DNMT3L: variants seen among roughly 807,000 people sequenced by gnomAD.
The protein encoded by DNMT3L is DNA (cytosine-5)-methyltransferase 3-like.
In DNMT3L, 33 loss-of-function variants were observed where a neutral mutation model predicts 36.2. That is an observed-to-expected ratio of 0.91 (90% confidence interval 0.69 to 1.22). The LOEUF (loss-of-function observed/expected upper bound fraction) is 1.22, where lower values mean the gene tolerates loss of function less well. Among genes scored for constraint, DNMT3L ranks in the 50% most tolerant of loss-of-function variants. The probability of loss-of-function intolerance (pLI) is 0.00; values close to 1 mark genes in which losing one functional copy is unlikely to be tolerated. For missense variants in DNMT3L, 310 were observed against 303.1 expected (o/e 1.02, Z -0.17); for synonymous variants, 117 against 121.7 (o/e 0.96, Z 0.26).
intron 6 of DNMT3L, 33 bp from the exon 7 acceptor site, chr21:44,256,187 GCCGGCTA>G: frequency 6.2e-7 from 1 of 1,608,420 alleles, no homozygotes; most frequent in Non-Finnish European, 8.5e-7. Context: ...AGGACATTGT[GCCGGCTA>G]CTTGGCTACA....
chr21:44,257,690 A>T lies in DNMT3L; in HGVS notation c.516+833T>A, dbSNP rs13047937. Among the ~76,000 whole-genome samples the T allele has an allele frequency of 2.1e-5, 2 of 93,250 alleles. 1 individual carries two copies. The highest frequency in any genetic ancestry group is 3.8e-5 in the Non-Finnish European group (2 of 52,366). The allele number at this position is 93,250 out of a possible 152,430, so 61.2% of individuals were successfully genotyped here. ...AGCGAGACTCCGTCTCAAAAAAAAA[A>T]AAAAAATAAATAAATAAATAAATAA... On this transcript the variant is annotated intron_variant, in intron 6 of 11. Coordinates refer to ENST00000628202, the MANE Select transcript of DNMT3L (RefSeq NM_175867.3).
intron 6 of DNMT3L, among the ~76,000 whole-genome samples, chr21:44,257,541 C>T (rs911542973): frequency 6.0e-5 from 9 of 150,562 alleles, no homozygotes; most frequent in East Asian, 1.9e-4. Flanking sequence ...ATTAGCCGGG[C>T]GTAGTGGCGG....
chr21:44,255,152 G>A (rs1212894285), intron 7 of DNMT3L, among the ~76,000 whole-genome samples: 1 of 152,138 alleles, frequency 6.6e-6, no homozygotes, highest in African/African-American at 2.4e-5. Context: ...TAATGACGTG[G>A]CAGGAGGATT....
intron 3 of DNMT3L, 151 bp downstream of exon 3, chr21:44,260,644 G>A: frequency 3.2e-6 from 3 of 948,942 alleles, no homozygotes; most frequent in Admixed American, 4.3e-5. Flanking sequence ...TTTTTGTAGA[G>A]ACAGAGTCTC....
chr21:44,253,247 C>G (rs1399507896), intron 8 of DNMT3L, among the ~76,000 whole-genome samples: 1 of 83,616 alleles, frequency 1.2e-5, no homozygotes, highest in Non-Finnish European at 2.4e-5. Context: ...CCCTGGGGAC[C>G]ACAGAGTAGG....
chr21:44,257,700 ATAAATAAATAAAT>A (rs2040274824), intron 6 of DNMT3L, among the ~76,000 whole-genome samples: 1 of 61,516 alleles, frequency 1.6e-5, no homozygotes, highest in African/African-American at 8.9e-5. Context: ...AAAAAAATAA[ATAAATAAATAAAT>A]AAATAAATAA....
chr21:44,258,430 G>T lies in DNMT3L; in HGVS notation c.516+93C>A. 1 of 1,439,836 alleles carries T rather than the reference G, an allele frequency of 6.9e-7. No homozygotes were observed. The allele number at this position is 1,439,836 out of a possible 1,614,324, so 89.2% of individuals were successfully genotyped here. ...TCCCGAGGCTGCAGCCGTGGTGCCC[G>T]TCGGCGCGCCTGCATTCTGCAGCGG... On this transcript the variant is annotated intron_variant, in intron 6 of 11. Transcript: ENST00000628202. The surrounding 1 kb of genome is among the most constrained non-coding windows in gnomAD (Gnocchi z 6.2).
intron 6 of DNMT3L, among the ~76,000 whole-genome samples, chr21:44,257,692 AAAAATAAATAAAT>A (rs1182055116): frequency 6.2e-5 from 5 of 80,144 alleles, no homozygotes; most frequent in Non-Finnish European, 1.1e-4. Context: ...AAAAAAAAAA[AAAAATAAATAAAT>A]AAATAAATAA....
chr21:44,258,138 C>T lies in DNMT3L; in HGVS notation c.516+385G>A. Among the ~76,000 whole-genome samples the T allele has an allele frequency of 6.6e-6, 1 of 152,218 alleles. No individual in the cohort carries two copies. Among genetic ancestry groups the T allele is most frequent in the East Asian group, 1.9e-4 (1 of 5,200 alleles). ...TCAGAGGGACAAAATTCCACCTTCT[C>T]TGCCTTTGTCTGAGGTTCCTGCCGG... On this transcript the variant is annotated intron_variant, in intron 6 of 11. Transcript: ENST00000628202. The surrounding 1 kb of genome is among the most constrained non-coding windows in gnomAD (Gnocchi z 6.2).
chr21:44,257,691 A>G (rs12483040), intron 6 of DNMT3L, among the ~76,000 whole-genome samples: 1 of 95,452 alleles, frequency 1.0e-5, no homozygotes, highest in East Asian at 2.6e-4. Context: ...AAAAAAAAAA[A>G]AAAAATAAAT....
At chr21:44,261,089 A>G in intron 2 of DNMT3L, 65 bp downstream of exon 2, 5 of 1,576,372 alleles carry the variant, frequency 3.2e-6, no homozygotes, top group Non-Finnish European at 4.3e-6. Context: ...CTGGAACTCC[A>G]GACCTCATCC....
intron 8 of DNMT3L, among the ~76,000 whole-genome samples, chr21:44,254,306 T>C (rs1486796704): frequency 6.6e-6 from 1 of 152,220 alleles, no homozygotes; most frequent in Non-Finnish European, 1.5e-5. Context: ...TTCAAGATGT[T>C]GGACAAGATG....
chr21:44,255,720 G>C (rs2040252237), intron 7 of DNMT3L, among the ~76,000 whole-genome samples: 2 of 152,214 alleles, frequency 1.3e-5, no homozygotes, highest in South Asian at 4.1e-4. Flanking sequence ...GGCGCTGCGG[G>C]ATCAGGCTCC....
At chr21:44,259,064 G>T (rs1172511809) in intron 5 of DNMT3L, among the ~76,000 whole-genome samples, 1 of 152,098 alleles carries the variant, frequency 6.6e-6, no homozygotes, top group Non-Finnish European at 1.5e-5. Context: ...GTAAATACGA[G>T]GATGGCCCAG....
At chr21:44,257,836 G>C (rs527301112) in intron 6 of DNMT3L, among the ~76,000 whole-genome samples, 2 of 152,326 alleles carry the variant, frequency 1.3e-5, no homozygotes, top group African/African-American at 4.8e-5. Context: ...AAGGCGCCAG[G>C]CAAGGACGTG....
At chr21:44,254,753 G>A in intron 7 of DNMT3L, 48 bp from the exon 8 acceptor site, 1 of 1,597,066 alleles carries the variant, frequency 6.3e-7, no homozygotes, top group Non-Finnish European at 8.6e-7. Flanking sequence ...CGTGGATTGT[G>A]CCCCTACAGG....
chr21:44,259,490 G>A lies in DNMT3L; in HGVS notation c.291C>T (p.Ser97=). The change falls in exon 5 of 12, where the codon TCC becomes TCT. Residue 97 remains serine, a synonymous_variant. Transcript: ENST00000628202. The part of the protein sequence containing the change: ...YDDDGYQSYC[S]ICCSGETLLI... Reference sequence around the variant, plus strand: ...GCAGCGTCTCTCCGGAGCAGCAGATGGAGCAGTAGGATTGGTACCCGTCAT... The same window carrying A: ...GCAGCGTCTCTCCGGAGCAGCAGATAGAGCAGTAGGATTGGTACCCGTCAT... 1 of 1,613,742 alleles carries A rather than the reference G, an allele frequency of 6.2e-7. No homozygotes were observed. Among genetic ancestry groups the A allele is most frequent in the Non-Finnish European group, 8.5e-7 (1 of 1,180,022 alleles).
At chr21:44,255,595 T>C (rs1274971631) in intron 7 of DNMT3L, among the ~76,000 whole-genome samples, 1 of 151,814 alleles carries the variant, frequency 6.6e-6, no homozygotes, top group African/African-American at 2.4e-5. Context: ...CACAGAGCAG[T>C]GGAGTCCACT....
At chr21:44,260,965 C>T (rs755119167) in intron 2 of DNMT3L, 126 bp from the exon 3 acceptor site, 535 of 1,457,468 alleles carry the variant, frequency 3.7e-4, no homozygotes, top group Non-Finnish European at 4.7e-4. Flanking sequence ...CCTGCCATCC[C>T]GCCCTCACAC....
Sources: allele counts gnomAD v4.1 joint callset (sites outside exome capture counted in the v4.1 genomes callset), GRCh38; gene constraint gnomAD v4.1.1; non-coding constraint Gnocchi (gnomAD v3.1); transcripts MANE v1.5; gene names NCBI Gene and HGNC (gene_info 2026-07-23, HGNC 2026-07-21).